PCARE: variants seen among roughly 807,000 people sequenced by gnomAD.
The protein encoded by PCARE is photoreceptor cilium actin regulator.
A neutral mutation model predicts 82.2 loss-of-function variants in PCARE; 72 were observed. The observed-to-expected ratio is 0.88, with a 90% CI of 0.72 to 1.07. The LOEUF (loss-of-function observed/expected upper bound fraction) is 1.07, where lower values mean the gene tolerates loss of function less well. Among genes scored for constraint, PCARE ranks in the 50% least tolerant of loss-of-function variants. The pLI, the probability that PCARE is intolerant of heterozygous loss-of-function variation, is 0.00. For missense variants in PCARE, 1,768 were observed against 1,592.4 expected, an observed-to-expected ratio of 1.11 and a Z score of -1.88; for synonymous variants, 705 against 634.8, an observed-to-expected ratio of 1.11 and a Z score of -1.66.
At position 29,073,467 on chromosome 2, in the gene PCARE, AT is replaced by A; in HGVS notation, c.794del (p.Asn265IlefsTer47). ...LKKREPQEQPNLLQQLLQYTV... is the reference protein window; with the variant it reads ...LKKREPQEQPXLLQQLLQYTV... ...TGTACTGTAGCAGCTGTTGCAGGAG[AT>A]TTGGCTGCTCCTGGGGCTCTCTTTT... On this transcript the variant is annotated frameshift_variant, in exon 1 of 2. Transcript: ENST00000331664. LOFTEE classifies it high-confidence loss of function. 1 of 1,613,886 alleles carries A rather than the reference AT, an allele frequency of 6.2e-7. No homozygotes were observed. Among genetic ancestry groups the A allele is most frequent in the Non-Finnish European group, 8.5e-7 (1 of 1,179,968 alleles).
At position 29,073,593 on chromosome 2, in the gene PCARE, C is replaced by T. The variant is rs745767662; in HGVS notation, c.669G>A (p.Leu223=). 2.5e-6 allele frequency: 4 copies of T among 1,614,090 alleles called. No individual in the cohort carries two copies. The South Asian group carries it at 3.3e-5, about 13-fold the overall frequency. ...GCTGGCTGATCTCCTCAAAGCACAGCAGCAAGAAGCTGACCATGGGCTGCA... is the reference window on the plus strand; with the variant it reads ...GCTGGCTGATCTCCTCAAAGCACAGTAGCAAGAAGCTGACCATGGGCTGCA... The part of the protein sequence containing the change: ...ELLQPMVSFL[L]LCFEEISQLL... Residue 223 remains leucine (L), a synonymous_variant, in exon 1 of 2, where the codon CTG becomes CTA. Coordinates refer to ENST00000331664, the MANE Select transcript of PCARE (RefSeq NM_001029883.3).
rs142150811 is a variant in PCARE at position 29,067,881 on chromosome 2, G to A, written c.3668+2713C>T. ...TTCAAGCCACTGTTACCTCCCTGCC[G>A]CCCCTGCCCCAAGTATTGAGATTCA... is the stretch of plus-strand genomic sequence containing the variant. On this transcript the variant is annotated intron_variant, in intron 1 of 1. Coordinates refer to ENST00000331664, the MANE Select transcript of PCARE (RefSeq NM_001029883.3). Among the ~76,000 whole-genome samples the A allele has an allele frequency of 3.6e-3, 551 of 152,178 alleles. 2 individuals are homozygous for A. The highest frequency in any genetic ancestry group is 0.012 in the African/African-American group (518 of 41,536).
chr2:29,073,562 C>G lies in PCARE; in HGVS notation c.700G>C (p.Gly234Arg). 6.2e-7 allele frequency: 1 copy of G among 1,614,202 alleles called. No homozygotes were observed. The highest frequency in any genetic ancestry group is 1.1e-5 in the South Asian group (1 of 91,082). Residue 234 changes from glycine to arginine, a missense_variant, in exon 1 of 2, where the codon GGG becomes CGG. Gly to Arg is a moderately radical substitution (Grantham distance 125). Coordinates refer to ENST00000331664, the MANE Select transcript of PCARE (RefSeq NM_001029883.3). ...ACTTCTCCATCCTTGGAGATCTCCC[C>G]CAACAGCTGGCTGATCTCCTCAAAG... ...LCFEEISQLLGEISKDGEVLL... is the reference protein window; with the variant it reads ...LCFEEISQLLREISKDGEVLL...
Position 29,070,791 on chromosome 2 carries a change from C to T in PCARE, c.3471G>A (p.Gly1157=), listed in dbSNP as rs1667460370. ...TGTTCTTCCAGCATTCTGCTGGGTT[C>T]CCGAGAGGGCCCCCAGCCTCTGGCG... ...SLPPEAGGPL[G]NPAECWKNSS... The change falls in exon 1 of 2, where the codon GGG becomes GGA. Residue 1157 remains glycine, a synonymous_variant. Transcript: ENST00000331664. 6.2e-7 allele frequency: 1 copy of T among 1,614,094 alleles called. No individual in the cohort carries two copies. Among genetic ancestry groups the T allele is most frequent in the Non-Finnish European group, 8.5e-7 (1 of 1,180,036 alleles).
At position 29,070,950 on chromosome 2, in the gene PCARE, GTC is replaced by G; in HGVS notation, c.3310_3311del (p.Asp1104LeufsTer2). ...SPSQEHKETR[D>X]SEDSQAVIAK... The stretch of plus-strand genomic sequence containing the variant: ...CTATGACTGCTTGGCTGTCTTCAGA[GTC>G]TCTTGTTTCCTTGTGCTCCTGAGAA... On this transcript the variant is annotated frameshift_variant, in exon 1 of 2. Transcript: ENST00000331664. LOFTEE classifies it high-confidence loss of function. 6 of 1,613,264 alleles carry G rather than the reference GTC, an allele frequency of 3.7e-6. No individual in the cohort carries two copies. The highest frequency in any genetic ancestry group is 5.1e-6 in the Non-Finnish European group (6 of 1,179,952).
Position 29,064,583 on chromosome 2 carries a change from C to G in PCARE, c.*286G>C. 3.5e-6 allele frequency: 2 copies of G among 568,956 alleles called. No homozygotes were observed. The highest frequency in any genetic ancestry group is 6.3e-6 in the Non-Finnish European group (2 of 317,110). The allele number at this position is 568,956 out of a possible 1,614,324, so 35.2% of individuals were successfully genotyped here. The stretch of plus-strand genomic sequence containing the variant: ...ATGCAACTATACATTCTCCACCCCC[C>G]ACCCCACCCCAAATTAAGGCCAGCA... On this transcript the variant is annotated 3_prime_UTR_variant, in exon 2 of 2. Transcript: ENST00000331664.
At position 29,072,946 on chromosome 2, in the gene PCARE, C is replaced by T. The variant is rs371031419; in HGVS notation, c.1316G>A (p.Ser439Asn). The change falls in exon 1 of 2, where the codon AGC (serine) becomes AAC (asparagine). Residue 439 changes from serine (S) to asparagine (N), a missense_variant. Coordinates refer to ENST00000331664, the MANE Select transcript of PCARE (RefSeq NM_001029883.3). ...AGGTGGGGAGGTGATATTTTCTGGG[C>T]TTGTACTGGAGAGGCATGGGCTCCT... ...EARSPCLSST[S>N]PENITSPPLK... 20 of 1,614,032 alleles carry T rather than the reference C, an allele frequency of 1.2e-5. No homozygotes were observed. The African/African-American group carries it at 2.1e-4, about 17-fold the overall frequency.
At chr2:29,068,056 C>A (rs1216163120) in intron 1 of PCARE, among the ~76,000 whole-genome samples, 1 of 152,016 alleles carries the variant, frequency 6.6e-6, no homozygotes, top group Non-Finnish European at 1.5e-5. Flanking sequence ...TTTTATTGTC[C>A]CTGTTCTCTC....
Position 29,071,571 on chromosome 2 carries a change from G to A in PCARE, c.2691C>T (p.Thr897=), listed in dbSNP as rs767685634. The A allele has an allele frequency of 3.0e-5, 49 of 1,610,642 alleles. No homozygotes were observed. The highest frequency in any genetic ancestry group is 3.3e-4 in the Middle Eastern group (2 of 6,036). Residue 897 remains threonine (T), a synonymous_variant, in exon 1 of 2, where the codon ACC becomes ACT. Transcript: ENST00000331664. ...TGCTGTGAGGCTTGGTCAGGCTGGC[G>A]GTGCTCTTGCTGGGCAGCAAGTCCA... ...SPLDLLPSKS[T]ASLTKPHSTG...
In PCARE at chr2:29,072,739, T is replaced by G; in HGVS notation, c.1523A>C (p.Lys508Thr). 1 of 1,613,966 alleles carries G rather than the reference T, an allele frequency of 6.2e-7. No individual in the cohort carries two copies. The highest frequency in any genetic ancestry group is 8.5e-7 in the Non-Finnish European group (1 of 1,179,988). The change falls in exon 1 of 2, where the codon AAA (lysine) becomes ACA (threonine). Residue 508 changes from lysine to threonine, a missense_variant. Transcript: ENST00000331664. Reference sequence around the variant, plus strand: ...AGATTGTGGCCTTGAATGTGGAGTTTTTTCCTGCCAGGCACACAGACTCAT... The same window carrying G: ...AGATTGTGGCCTTGAATGTGGAGTTGTTTCCTGCCAGGCACACAGACTCAT... Reference protein sequence around the residue: ...SSMSLCAWQEKTPHSRPQSSP... With the variant: ...SSMSLCAWQETTPHSRPQSSP...
chr2:29,067,360 A>T (rs1255181531), intron 1 of PCARE, among the ~76,000 whole-genome samples: 3 of 152,184 alleles, frequency 2.0e-5, no homozygotes, highest in African/African-American at 7.2e-5. Flanking sequence ...CTGCTCCCAG[A>T]TGCCAACTTT....
Position 29,073,975 on chromosome 2 carries a change from G to T in PCARE, c.287C>A (p.Thr96Asn), listed in dbSNP as rs1319665531. 6.2e-7 allele frequency: 1 copy of T among 1,614,192 alleles called. No individual in the cohort carries two copies. Among genetic ancestry groups the T allele is most frequent in the Admixed American group, 1.7e-5 (1 of 60,022 alleles). Residue 96 changes from threonine to asparagine, a missense_variant, in exon 1 of 2, where the codon ACC becomes AAC. Physicochemically the swap from Thr to Asn is moderately conservative, Grantham distance 65 (BLOSUM62 0). Transcript: ENST00000331664. ...GTTCAGCTGGGATGAAGAGGTTTTG[G>T]TTCCTGGGATCAGTCCTTCCATATC... ...RKDMEGLIPG[T>N]KTSSSQLNKS... is the part of the protein sequence containing the mutation.
In PCARE at chr2:29,072,062, G is replaced by C; in HGVS notation, c.2200C>G (p.Leu734Val). 1 of 1,614,220 alleles carries C rather than the reference G, an allele frequency of 6.2e-7. No homozygotes were observed. Among genetic ancestry groups the C allele is most frequent in the Non-Finnish European group, 8.5e-7 (1 of 1,180,032 alleles). ...TCCGTGGGACTGAAAGTTTCAATAA[G>C]CTTCTTGACGGATGTTCTGGTGGGA... ...GCPTRTSVKK[L>V]IETFSPTESL... Residue 734 changes from leucine to valine, a missense_variant, in exon 1 of 2, where the codon CTT becomes GTT. Transcript: ENST00000331664.
chr2:29,073,095 C>G lies in PCARE; in HGVS notation c.1167G>C (p.Glu389Asp), dbSNP rs1378584118. ...GCCAGGTGTGTCCTGACTGCCTGGCCTCTGTGTGGGGTGAAGTCACCGACT... is the reference window on the plus strand; with the variant it reads ...GCCAGGTGTGTCCTGACTGCCTGGCGTCTGTGTGGGGTGAAGTCACCGACT... Reference protein sequence around the residue: ...EWKSVTSPHTEARQSGHTWQQ... With the variant: ...EWKSVTSPHTDARQSGHTWQQ... Residue 389 changes from glutamate to aspartate, a missense_variant, in exon 1 of 2, where the codon GAG becomes GAC. Transcript: ENST00000331664. The G allele has an allele frequency of 3.1e-6, 5 of 1,614,004 alleles. No homozygotes were observed. The highest frequency in any genetic ancestry group is 4.2e-6 in the Non-Finnish European group (5 of 1,180,034).
chr2:29,065,151 T>G, intron 1 of PCARE, 84 bp from the exon 2 acceptor site: 1 of 1,438,702 alleles, frequency 7.0e-7, no homozygotes, highest in Non-Finnish European at 9.5e-7. Context: ...CATTCTCCCT[T>G]TCTGTCCCTC....
intron 1 of PCARE, among the ~76,000 whole-genome samples, chr2:29,070,316 T>C (rs1276139320): frequency 6.6e-6 from 1 of 152,104 alleles, no homozygotes; most frequent in Admixed American, 6.6e-5. Flanking sequence ...CCTGTGTCCA[T>C]GTGTTCTCAT....
rs1667454188 is a variant in PCARE at position 29,070,592 on chromosome 2, A to G, written c.3668+2T>C. The G allele has an allele frequency of 3.1e-6, 5 of 1,613,868 alleles. No individual in the cohort carries two copies. Among genetic ancestry groups the G allele is most frequent in the Middle Eastern group, 1.7e-4 (1 of 6,060 alleles). On this transcript the variant is annotated splice_donor_variant, in intron 1 of 1. Transcript: ENST00000331664. LOFTEE classifies it high-confidence loss of function. ...GGGCAGTGACCCCAGGACACTCCTT[A>G]CCTGTTCTGGCCGAGCTGGGATTCA...
chr2:29,073,170 C>G lies in PCARE; in HGVS notation c.1092G>C (p.Lys364Asn), dbSNP rs1202141583. The G allele has an allele frequency of 1.2e-6, 2 of 1,614,084 alleles. No individual in the cohort carries two copies. The highest frequency in any genetic ancestry group is 1.3e-5 in the African/African-American group (1 of 74,930). The change falls in exon 1 of 2, where the codon AAG becomes AAC. Residue 364 changes from lysine (K) to asparagine (N), a missense_variant. Lys to Asn is a moderately conservative substitution (Grantham distance 94, BLOSUM62 0). Coordinates refer to ENST00000331664, the MANE Select transcript of PCARE (RefSeq NM_001029883.3). The stretch of plus-strand genomic sequence containing the variant: ...GGTCCCAGCTGGTTTGCTTGCCCAG[C>G]TTGTCCACCGACTGCACGGACTCAT... The part of the protein sequence containing the change: ...ADNESVQSVD[K>N]LGKQTSWDLA...
intron 1 of PCARE, among the ~76,000 whole-genome samples, chr2:29,067,181 A>T (rs995264318): frequency 6.6e-6 from 1 of 152,204 alleles, no homozygotes; most frequent in Admixed American, 6.5e-5. Flanking sequence ...TGCTTGGGGA[A>T]ACAGCCCGTT....
Sources: allele counts gnomAD v4.1 joint callset (sites outside exome capture counted in the v4.1 genomes callset), GRCh38; gene constraint gnomAD v4.1.1; transcripts MANE v1.5; gene names NCBI Gene and HGNC (gene_info 2026-07-23, HGNC 2026-07-21).